Variants in OSTF1 observed in about 807,000 individuals in gnomAD.
OSTF1 encodes the protein osteoclast stimulating factor 1.
In OSTF1, 27 loss-of-function variants were observed where a neutral mutation model predicts 37.2. The ratio of observed to expected loss-of-function variants is 0.73; its 90% CI spans 0.54 to 1.00. OSTF1 has a LOEUF of 1.00. OSTF1 is among the 50% of genes least tolerant of loss of function. The pLI is 0.00. For missense variants in OSTF1, 232 were observed against 253.8 expected, an observed-to-expected ratio of 0.91 and a Z score of 0.58; for synonymous variants, 82 against 89.2, an observed-to-expected ratio of 0.92 and a Z score of 0.46.
At chr9:75,113,866 C>T (rs1183616166) in intron 1 of OSTF1, among the ~76,000 whole-genome samples, 2 of 152,140 alleles carry the variant, frequency 1.3e-5, no homozygotes, top group African/African-American at 2.4e-5. Flanking sequence ...CTGTAGTCAC[C>T]GTGATGTACA....
At chr9:75,088,840 C>T in intron 1 of OSTF1, 114 bp downstream of exon 1, 1 of 1,020,246 alleles carries the variant, frequency 9.8e-7, no homozygotes, top group South Asian at 1.4e-5. Context: ...GCCTGGCTTC[C>T]GAGATCGGCC....
chr9:75,113,921 T>C (rs1825436405), intron 1 of OSTF1, among the ~76,000 whole-genome samples: 1 of 152,214 alleles, frequency 6.6e-6, no homozygotes, highest in African/African-American at 2.4e-5. Flanking sequence ...GAAATTTGTG[T>C]TCTTTAACCA....
At chr9:75,139,027 C>CTTTCT (rs566366498) in intron 8 of OSTF1, among the ~76,000 whole-genome samples, 26 of 120,554 alleles carry the variant, frequency 2.2e-4, no homozygotes, top group Admixed American at 3.4e-4. Flanking sequence ...TTTGGGGACA[C>CTTTCT]TTCTTTCTTT....
chr9:75,115,597 C>G (rs996864058), intron 1 of OSTF1, among the ~76,000 whole-genome samples: 7 of 150,944 alleles, frequency 4.6e-5, no homozygotes, highest in South Asian at 2.1e-4. Flanking sequence ...ATTTTGATAT[C>G]TGTTCTAAAT....
At chr9:75,127,438 T>C (rs1825678741) in intron 2 of OSTF1, 131 bp from the exon 3 acceptor site, 1 of 493,796 alleles carries the variant, frequency 2.0e-6, no homozygotes, top group African/African-American at 2.0e-5. Context: ...TGTTTTATTA[T>C]ATGGCTTATG....
intron 1 of OSTF1, among the ~76,000 whole-genome samples, chr9:75,107,602 C>T (rs866794377): frequency 8.5e-5 from 13 of 152,178 alleles, no homozygotes; most frequent in Admixed American, 2.0e-4. Context: ...TGTAACAATT[C>T]CTAATTTTAT....
intron 1 of OSTF1, among the ~76,000 whole-genome samples, chr9:75,104,142 A>G (rs933136635): frequency 6.6e-6 from 1 of 151,808 alleles, no homozygotes; most frequent in Non-Finnish European, 1.5e-5. Flanking sequence ...TGCTTGGGAG[A>G]CTGAGGTGGG....
At chr9:75,093,050 CTCTTTCTT>C (rs3060046) in intron 1 of OSTF1, among the ~76,000 whole-genome samples, 5 of 135,230 alleles carry the variant, frequency 3.7e-5, no homozygotes, top group South Asian at 2.2e-4. Flanking sequence ...TTCTCTCTCT[CTCTTTCTT>C]TCTTTCTTTT....
At chr9:75,090,301 G>A (rs1161384951) in intron 1 of OSTF1, among the ~76,000 whole-genome samples, 50 of 23,414 alleles carry the variant, frequency 2.1e-3, no homozygotes, top group African/African-American at 4.6e-3. Flanking sequence ...ACAGGTGTGT[G>A]TGTGTGTGTG....
chr9:75,093,180 T>C (rs1420052595), intron 1 of OSTF1, among the ~76,000 whole-genome samples: 2 of 151,700 alleles, frequency 1.3e-5, no homozygotes, highest in Non-Finnish European at 2.9e-5. Context: ...TTATAGATGC[T>C]CACCACCAAA....
In OSTF1 at chr9:75,140,816, T is replaced by G; in HGVS notation, c.488-18T>G. 1 of 1,594,488 alleles carries G rather than the reference T, an allele frequency of 6.3e-7. No homozygotes were observed. On this transcript the variant is annotated intron_variant, in intron 8 of 9. Coordinates refer to ENST00000346234, the MANE Select transcript of OSTF1 (RefSeq NM_012383.5). ...TAGTCTTCAAAGACACCTAATTGAC[T>G]TTTCTTGTGTTGGGAAGGTGCTAGA... is the stretch of plus-strand genomic sequence containing the variant.
At chr9:75,117,090 T>C (rs1825503108) in intron 1 of OSTF1, among the ~76,000 whole-genome samples, 1 of 152,212 alleles carries the variant, frequency 6.6e-6, no homozygotes, top group African/African-American at 2.4e-5. Flanking sequence ...GATTGACAGA[T>C]AATTGTACAT....
rs757638355 is a variant in OSTF1, at chr9:75,146,708, C to T, written c.612C>T (p.Ala204=). 74 of 1,610,068 alleles carry T rather than the reference C, an allele frequency of 4.6e-5. No homozygotes were observed. The highest frequency in any genetic ancestry group is 1.0e-4 in the Admixed American group (6 of 59,450). ...ATGCAGTTCGAACATTAAGCAATGCCGAGGACTATCTCGATGATGAAGACT... is the reference window on the plus strand; with the variant it reads ...ATGCAGTTCGAACATTAAGCAATGCTGAGGACTATCTCGATGATGAAGACT... The part of the protein sequence containing the change: ...GTDAVRTLSN[A]EDYLDDEDSD The change falls in exon 10 of 10, where the codon GCC becomes GCT. Residue 204 remains alanine (A), a synonymous_variant. Transcript: ENST00000346234.
At chr9:75,124,017 A>C (rs180688678) in intron 2 of OSTF1, among the ~76,000 whole-genome samples, 3 of 152,346 alleles carry the variant, frequency 2.0e-5, no homozygotes, top group Admixed American at 2.0e-4. Context: ...CACTTTCCCA[A>C]ACCACAGAGG....
rs1028159927 is a variant in OSTF1, at chr9:75,110,715, C to CT, written c.35-6776dup. 1.9e-3 allele frequency among the ~76,000 whole-genome samples: 273 copies of CT among 144,162 alleles called. 2 individuals are homozygous for CT. Among genetic ancestry groups the CT allele is most frequent in the African/African-American group, 3.9e-3 (154 of 39,574 alleles). 94.6% of individuals were successfully genotyped at this position (144,162 alleles called of 152,430 possible). A position where few individuals can be genotyped will look rare whatever the true frequency, so the allele number is the denominator to read the frequency against. ...GTCTCTTATAGTGAGCAGTTTCTTT[C>CT]TTTTTTTTTTTTTGAGACAAGATTT... is the stretch of plus-strand genomic sequence containing the variant. On this transcript the variant is annotated intron_variant, in intron 1 of 9. Coordinates refer to ENST00000346234, the MANE Select transcript of OSTF1 (RefSeq NM_012383.5).
intron 1 of OSTF1, among the ~76,000 whole-genome samples, chr9:75,094,941 G>A (rs1472232596): frequency 6.6e-6 from 1 of 152,184 alleles, no homozygotes; most frequent in Admixed American, 6.5e-5. Context: ...TGCTACTTAG[G>A]AGACTGAGGT....
intron 9 of OSTF1, among the ~76,000 whole-genome samples, chr9:75,141,591 T>C (rs1564170893): frequency 6.6e-6 from 1 of 152,200 alleles, no homozygotes; most frequent in Non-Finnish European, 1.5e-5. Context: ...ACTAAATATT[T>C]TTAAAAATAA....
intron 1 of OSTF1, among the ~76,000 whole-genome samples, chr9:75,099,260 A>G (rs1436872527): frequency 6.8e-6 from 1 of 147,098 alleles, no homozygotes; most frequent in South Asian, 2.1e-4. Context: ...ATTCTGATAA[A>G]TGGCTTTTTT....
intron 2 of OSTF1, among the ~76,000 whole-genome samples, chr9:75,125,833 A>G (rs868380224): frequency 4.6e-5 from 7 of 152,258 alleles, no homozygotes; most frequent in Admixed American, 1.3e-4. Flanking sequence ...AATCATATTT[A>G]CTGCTCTAGT....
Sources: allele counts gnomAD v4.1 joint callset (sites outside exome capture counted in the v4.1 genomes callset), GRCh38; gene constraint gnomAD v4.1.1; transcripts MANE v1.5; gene names NCBI Gene and HGNC (gene_info 2026-07-23, HGNC 2026-07-21).